ZFYVE9: variants seen among roughly 807,000 people sequenced by gnomAD.
ZFYVE9 encodes the protein zinc finger FYVE domain-containing protein 9.
In ZFYVE9, 43 loss-of-function variants were observed where a neutral mutation model predicts 126.7. The ratio of observed to expected loss-of-function variants is 0.34; its 90% CI spans 0.27 to 0.44. The LOEUF (loss-of-function observed/expected upper bound fraction) is 0.44. Among genes scored for constraint, ZFYVE9 ranks in the 20% least tolerant of loss-of-function variants. ZFYVE9 has a pLI of 1.00. For missense variants in ZFYVE9, 1,476 were observed against 1,697.0 expected, an observed-to-expected ratio of 0.87 and a Z score of 2.29; for synonymous variants, 521 against 597.4, an observed-to-expected ratio of 0.87 and a Z score of 1.87.
chr1:52,254,696 G>A (rs1645486754), intron 4 of ZFYVE9, among the ~76,000 whole-genome samples: 1 of 152,138 alleles, frequency 6.6e-6, no homozygotes, highest in South Asian at 2.1e-4. Context: ...GCCAGGTGTG[G>A]TGGCTCATTC....
intron 1 of ZFYVE9, among the ~76,000 whole-genome samples, chr1:52,164,173 T>A (rs1490798417): frequency 6.6e-6 from 1 of 151,832 alleles, no homozygotes; most frequent in African/African-American, 2.4e-5. Flanking sequence ...CAGACTGAAT[T>A]TCTACATTTA....
chr1:52,300,060 C>T (rs1046073634), intron 12 of ZFYVE9, among the ~76,000 whole-genome samples: 2 of 152,092 alleles, frequency 1.3e-5, no homozygotes, highest in African/African-American at 4.8e-5. Context: ...GGAGGCAGTG[C>T]GGCAGAGGCA....
At chr1:52,337,979 T>C in intron 16 of ZFYVE9, 45 bp downstream of exon 16, 1 of 1,586,260 alleles carries the variant, frequency 6.3e-7, no homozygotes, top group Non-Finnish European at 8.6e-7. Context: ...AGTTATAGGT[T>C]AGGCTCTGGG....
At chr1:52,197,459 A>G (rs1644871058) in intron 1 of ZFYVE9, among the ~76,000 whole-genome samples, 1 of 152,194 alleles carries the variant, frequency 6.6e-6, no homozygotes, top group African/African-American at 2.4e-5. Context: ...TGTTTGAAGC[A>G]ATCATAGTAG....
At chr1:52,288,962 G>A (rs1645891571) in intron 10 of ZFYVE9, among the ~76,000 whole-genome samples, 2 of 148,522 alleles carry the variant, frequency 1.3e-5, no homozygotes, top group Admixed American at 6.7e-5. Flanking sequence ...AGAAATATTA[G>A]TATTTCTTGA....
intron 1 of ZFYVE9, among the ~76,000 whole-genome samples, chr1:52,197,830 G>T (rs1644875670): frequency 6.6e-6 from 1 of 152,158 alleles, no homozygotes; most frequent in Non-Finnish European, 1.5e-5. Flanking sequence ...TGGAGAGGAG[G>T]ATGCACAGAA....
intron 4 of ZFYVE9, 127 bp downstream of exon 4, chr1:52,239,722 C>A: frequency 9.5e-7 from 1 of 1,056,460 alleles, no homozygotes; most frequent in Non-Finnish European, 1.3e-6. Context: ...TTTTTGAAAA[C>A]CCAGTTCTAG....
intron 13 of ZFYVE9, among the ~76,000 whole-genome samples, chr1:52,317,406 C>T (rs1351435476): frequency 6.6e-6 from 1 of 151,136 alleles, no homozygotes; most frequent in Admixed American, 6.6e-5. Flanking sequence ...TCTGTAATCC[C>T]AGGAGGTGGA....
intron 2 of ZFYVE9, among the ~76,000 whole-genome samples, chr1:52,218,866 C>G (rs533511287): frequency 2.6e-5 from 4 of 151,978 alleles, no homozygotes; most frequent in Non-Finnish European, 4.4e-5. Flanking sequence ...CCTGTAGGGT[C>G]TTTTGCAGTG....
At chr1:52,182,035 C>A (rs1051189274) in intron 1 of ZFYVE9, among the ~76,000 whole-genome samples, 41 of 150,392 alleles carry the variant, frequency 2.7e-4, no homozygotes, top group Non-Finnish European at 5.0e-4. Context: ...CCGCCCCGTC[C>A]GGGAGGGAGG....
At chr1:52,244,108 G>T (rs1645361052) in intron 4 of ZFYVE9, among the ~76,000 whole-genome samples, 2 of 152,322 alleles carry the variant, frequency 1.3e-5, no homozygotes, top group South Asian at 4.1e-4. Context: ...GAAAAAAGCT[G>T]ATTGAGTGGA....
At chr1:52,313,120 C>T (rs951228656) in intron 13 of ZFYVE9, among the ~76,000 whole-genome samples, 6 of 152,166 alleles carry the variant, frequency 3.9e-5, no homozygotes, top group Non-Finnish European at 5.9e-5. Flanking sequence ...ACGGAACTAT[C>T]TCTGCTGATG....
intron 13 of ZFYVE9, among the ~76,000 whole-genome samples, chr1:52,315,062 G>C (rs1007929171): frequency 6.6e-6 from 1 of 152,176 alleles, no homozygotes; most frequent in African/African-American, 2.4e-5. Context: ...CTACACAAAG[G>C]AATGAAAAGT....
At chr1:52,186,347 A>G (rs548901339) in intron 1 of ZFYVE9, among the ~76,000 whole-genome samples, 8 of 152,314 alleles carry the variant, frequency 5.3e-5, no homozygotes, top group African/African-American at 1.7e-4. Context: ...GTCTATGACC[A>G]ACCCACAGCC....
At chr1:52,314,256 T>C (rs899542552) in intron 13 of ZFYVE9, among the ~76,000 whole-genome samples, 5 of 152,200 alleles carry the variant, frequency 3.3e-5, no homozygotes, top group African/African-American at 1.2e-4. Context: ...CTTAGGTATT[T>C]TGCAAATACA....
intron 1 of ZFYVE9, among the ~76,000 whole-genome samples, chr1:52,193,707 CAAAAAAAAAAAA>C (rs771434275): frequency 1.8e-5 from 1 of 56,402 alleles, no homozygotes; most frequent in Non-Finnish European, 3.3e-5. Flanking sequence ...AACTCTGTCT[CAAAAAAAAAAAA>C]AAAAAAAAAA....
At chr1:52,332,448 T>C (rs2147869822) in intron 13 of ZFYVE9, among the ~76,000 whole-genome samples, 1 of 152,064 alleles carries the variant, frequency 6.6e-6, no homozygotes, top group East Asian at 1.9e-4. Flanking sequence ...GAGAATCCAG[T>C]ATATAGGAGA....
intron 1 of ZFYVE9, among the ~76,000 whole-genome samples, chr1:52,182,765 T>A (rs1317667471): frequency 1.3e-5 from 2 of 150,334 alleles, no homozygotes; most frequent in East Asian, 1.9e-4. Context: ...AAATAAAAAA[T>A]AAAAAAAAAT....
At chr1:52,228,826 T>G (rs941128700) in intron 2 of ZFYVE9, among the ~76,000 whole-genome samples, 3 of 152,200 alleles carry the variant, frequency 2.0e-5, no homozygotes, top group African/African-American at 7.2e-5. Context: ...TGATCCAGAA[T>G]CAAGTCAGTG....
Sources: gnomAD v4.1 joint callset for allele counts (sites outside exome capture counted in the v4.1 genomes callset) on GRCh38, gnomAD v4.1.1 for gene constraint, MANE v1.5 for transcripts, NCBI Gene and HGNC (gene_info 2026-07-23, HGNC 2026-07-21) for gene names.